The following SLC35F1 variants were observed in gnomAD, a reference collection of about 807,000 sequenced individuals.
SLC35F1 encodes the protein chromosome 6 open reading frame 169.
Under a neutral mutation model 48.7 loss-of-function variants are expected in SLC35F1, and 14 were observed. That is an observed-to-expected ratio of 0.29 (90% CI 0.19 to 0.45). The LOEUF is 0.45. Ranked by LOEUF, SLC35F1 falls within the 20% of genes least tolerant of loss-of-function variation. SLC35F1 has a pLI of 1.00. For synonymous variants in SLC35F1, 190 were observed against 202.2 expected (o/e 0.94, Z 0.51); for missense variants, 404 against 500.0 (o/e 0.81, Z 1.83).
At chr6:118,003,869 C>G (rs1193570263) in intron 1 of SLC35F1, among the ~76,000 whole-genome samples, 1 of 152,104 alleles carries the variant, frequency 6.6e-6, no homozygotes, top group Admixed American at 6.5e-5. Flanking sequence ...AGAGTTACTG[C>G]TCACATGAGG....
intron 6 of SLC35F1, among the ~76,000 whole-genome samples, chr6:118,283,789 A>C (rs1776014193): frequency 6.6e-6 from 1 of 152,200 alleles, no homozygotes; most frequent in Non-Finnish European, 1.5e-5. Flanking sequence ...GTTTGGTTAA[A>C]AGGAAAATGC....
At position 118,259,672 on chromosome 6, in the gene SLC35F1, T is replaced by C. The variant is rs373162461; in HGVS notation, c.478-7323T>C. Among the ~76,000 whole-genome samples the C allele has an allele frequency of 2.0e-5, 3 of 146,536 alleles. No individual in the cohort carries two copies. The South Asian group carries it at 6.6e-4, about 32-fold the overall frequency. On this transcript the variant is annotated intron_variant, in intron 3 of 7. Coordinates refer to ENST00000360388, the MANE Select transcript of SLC35F1 (RefSeq NM_001029858.4). ...AATGCAAATCAAAATCATAAGGAGA[T>C]ACCACTCCACACCCAGCAGGATAGC...
chr6:118,050,127 A>T (rs1268903342), intron 1 of SLC35F1, among the ~76,000 whole-genome samples: 3 of 152,080 alleles, frequency 2.0e-5, no homozygotes, highest in South Asian at 2.1e-4. Context: ...AAAAAACCAA[A>T]CACCACATGT....
intron 7 of SLC35F1, among the ~76,000 whole-genome samples, chr6:118,302,625 A>C (rs1339015761): frequency 6.6e-6 from 1 of 152,198 alleles, no homozygotes; most frequent in Non-Finnish European, 1.5e-5. Context: ...GAGGGCAAAA[A>C]TTTGCTTACA....
chr6:118,004,177 A>G (rs989370524), intron 1 of SLC35F1, among the ~76,000 whole-genome samples: 6 of 152,160 alleles, frequency 3.9e-5, no homozygotes, highest in African/African-American at 1.2e-4. Context: ...CTAAGCTTAT[A>G]TTTCTTCTTG....
At chr6:118,019,531 A>G (rs571659752) in intron 1 of SLC35F1, among the ~76,000 whole-genome samples, 26 of 152,320 alleles carry the variant, frequency 1.7e-4, no homozygotes, top group African/African-American at 6.3e-4. Flanking sequence ...CTGAGGCAGG[A>G]GAATCGCTTG....
intron 4 of SLC35F1, among the ~76,000 whole-genome samples, chr6:118,269,680 G>A (rs773960007): frequency 1.7e-4 from 26 of 151,860 alleles, no homozygotes; most frequent in Admixed American, 4.6e-4. Flanking sequence ...AATCAGCCAG[G>A]GTCACAAAAC....
chr6:118,088,767 T>C (rs1773029418), intron 1 of SLC35F1, among the ~76,000 whole-genome samples: 1 of 152,168 alleles, frequency 6.6e-6, no homozygotes, highest in South Asian at 2.1e-4. Context: ...TCAAGTCTTA[T>C]CATGCCATGC....
At chr6:118,208,877 C>T (rs1774969492) in intron 2 of SLC35F1, among the ~76,000 whole-genome samples, 1 of 152,164 alleles carries the variant, frequency 6.6e-6, no homozygotes, top group Admixed American at 6.5e-5. Flanking sequence ...CTTCTGTCTT[C>T]CACCCCTGTT....
At chr6:118,153,707 A>C (rs1377262175) in intron 1 of SLC35F1, among the ~76,000 whole-genome samples, 2 of 152,214 alleles carry the variant, frequency 1.3e-5, no homozygotes, top group Non-Finnish European at 2.9e-5. Flanking sequence ...CCTATGAAAA[A>C]AGCCACAAAA....
Position 118,313,898 on chromosome 6 carries a change from C to T in SLC35F1, c.1003-130C>T, listed in dbSNP as rs1268343322. 31 of 759,064 alleles carry T rather than the reference C, an allele frequency of 4.1e-5. 2 individuals are homozygous for T. Among genetic ancestry groups the T allele is most frequent in the South Asian group, 3.4e-4 (20 of 59,490 alleles). 47.0% of individuals were successfully genotyped at this position (759,064 alleles called of 1,614,324 possible). A position where few individuals can be genotyped will look rare whatever the true frequency, so the allele number is the denominator to read the frequency against. On this transcript the variant is annotated intron_variant, in intron 7 of 7. Transcript: ENST00000360388. ...GATGAGAAAATTCATTCTCCATCAA[C>T]GGTGTTGGCCAACTCATCATGCTGC... is the stretch of plus-strand genomic sequence containing the variant.
chr6:118,214,053 T>C (rs1422091230), intron 2 of SLC35F1, among the ~76,000 whole-genome samples: 1 of 152,232 alleles, frequency 6.6e-6, no homozygotes. Context: ...GTAGTTTTTG[T>C]TGTTTCAAAA....
At chr6:118,204,302 G>A (rs758581818) in intron 2 of SLC35F1, among the ~76,000 whole-genome samples, 6 of 152,044 alleles carry the variant, frequency 3.9e-5, no homozygotes, top group Non-Finnish European at 7.4e-5. Flanking sequence ...AGTGATACAC[G>A]ATGAAGACGC....
chr6:118,292,047 G>A (rs954669778), intron 7 of SLC35F1, among the ~76,000 whole-genome samples: 21 of 152,176 alleles, frequency 1.4e-4, no homozygotes, highest in Admixed American at 1.1e-3. Context: ...GAACCCGGGA[G>A]GCAGAGTTTG....
chr6:118,297,229 G>A (rs1776197584), intron 7 of SLC35F1, among the ~76,000 whole-genome samples: 1 of 152,014 alleles, frequency 6.6e-6, no homozygotes, highest in Admixed American at 6.6e-5. Context: ...TAACCCCTAT[G>A]GTTTTTATAC....
chr6:117,960,407 G>T (rs1776483164), intron 1 of SLC35F1, among the ~76,000 whole-genome samples: 1 of 151,938 alleles, frequency 6.6e-6, no homozygotes, highest in South Asian at 2.1e-4. Context: ...TGACAAGGCA[G>T]TTTACAGACT....
chr6:118,217,587 T>C (rs1197865652), intron 2 of SLC35F1, among the ~76,000 whole-genome samples: 2 of 152,174 alleles, frequency 1.3e-5, no homozygotes, highest in Non-Finnish European at 2.9e-5. Flanking sequence ...TTAATGTCCC[T>C]GAACTGTGCA....
At chr6:118,303,622 G>A (rs952860274) in intron 7 of SLC35F1, among the ~76,000 whole-genome samples, 1 of 152,190 alleles carries the variant, frequency 6.6e-6, no homozygotes, top group African/African-American at 2.4e-5. Context: ...TGAGGGGTTG[G>A]TGTTTTAAAA....
chr6:117,981,803 A>G (rs556619267), intron 1 of SLC35F1, among the ~76,000 whole-genome samples: 15 of 152,332 alleles, frequency 9.8e-5, no homozygotes, highest in Non-Finnish European at 2.2e-4. Flanking sequence ...TCATACCACA[A>G]CCTACACTAT....
Sources: gnomAD v4.1 joint callset for allele counts (sites outside exome capture counted in the v4.1 genomes callset) on GRCh38, gnomAD v4.1.1 for gene constraint, MANE v1.5 for transcripts, NCBI Gene and HGNC (gene_info 2026-07-23, HGNC 2026-07-21) for gene names.